The following PLEKHA5 variants were observed in gnomAD, a reference collection of about 807,000 sequenced individuals.
PLEKHA5 encodes the protein pleckstrin homology domain-containing family A member 5.
A neutral mutation model predicts 181.9 loss-of-function variants in PLEKHA5; 55 were observed. The ratio of observed to expected loss-of-function variants is 0.30; its 90% CI spans 0.24 to 0.38. The LOEUF is 0.38. PLEKHA5 is among the 10% of genes least tolerant of loss of function. The probability of loss-of-function intolerance (pLI) is 1.00; values close to 1 mark genes in which losing one functional copy is unlikely to be tolerated. For synonymous variants in PLEKHA5, 535 were observed against 529.4 expected (o/e 1.01, Z -0.15); for missense variants, 1,432 against 1,549.5 (o/e 0.92, Z 1.27).
intron 29 of PLEKHA5, among the ~76,000 whole-genome samples, chr12:19,362,196 T>C (rs1345118578): frequency 8.3e-6 from 1 of 120,084 alleles, no homozygotes; most frequent in Non-Finnish European, 1.7e-5. Flanking sequence ...AAAAAAGGCA[T>C]AATAACAGTA....
At chr12:19,149,134 A>C (rs1445638977) in intron 3 of PLEKHA5, among the ~76,000 whole-genome samples, 9 of 152,204 alleles carry the variant, frequency 5.9e-5, no homozygotes, top group Admixed American at 5.9e-4. Context: ...CAAAAACATT[A>C]ATGGAGACAA....
At chr12:19,237,938 ATAT>A (rs1371206865) in intron 3 of PLEKHA5, among the ~76,000 whole-genome samples, 5 of 151,744 alleles carry the variant, frequency 3.3e-5, no homozygotes, top group Non-Finnish European at 4.4e-5. Context: ...GGGATGAATG[ATAT>A]TATTGTAATT....
intron 3 of PLEKHA5, among the ~76,000 whole-genome samples, chr12:19,158,258 TAGG>T (rs1328497649): frequency 6.6e-6 from 1 of 151,430 alleles, no homozygotes; most frequent in Non-Finnish European, 1.5e-5. Flanking sequence ...GAGGCTGAGG[TAGG>T]AGAATGACGT....
At chr12:19,166,700 A>T (rs1182113935) in intron 3 of PLEKHA5, among the ~76,000 whole-genome samples, 1 of 152,214 alleles carries the variant, frequency 6.6e-6, no homozygotes, top group African/African-American at 2.4e-5. Context: ...AATAATGTAG[A>T]TAATGATAAA....
intron 3 of PLEKHA5, among the ~76,000 whole-genome samples, chr12:19,173,513 C>T (rs139202037): frequency 1.1e-4 from 17 of 152,096 alleles, no homozygotes; most frequent in East Asian, 3.9e-4. Flanking sequence ...AGTGTGGGGA[C>T]GAAACCAGTG....
At chr12:19,365,243 C>T (rs902035651) in intron 29 of PLEKHA5, among the ~76,000 whole-genome samples, 1 of 151,550 alleles carries the variant, frequency 6.6e-6, no homozygotes, top group African/African-American at 2.4e-5. Flanking sequence ...GGCAGGCGCC[C>T]GTAGTCCCTG....
chr12:19,209,019 G>T (rs994306863), intron 3 of PLEKHA5, among the ~76,000 whole-genome samples: 2 of 152,150 alleles, frequency 1.3e-5, no homozygotes, highest in Non-Finnish European at 2.9e-5. Context: ...AATGGATATT[G>T]TGATAAAACT....
At chr12:19,218,558 A>G (rs1293447559) in intron 3 of PLEKHA5, among the ~76,000 whole-genome samples, 1 of 152,210 alleles carries the variant, frequency 6.6e-6, no homozygotes, top group African/African-American at 2.4e-5. Flanking sequence ...ATTAGTCTGT[A>G]TTTATAAATT....
At position 19,130,009 on chromosome 12, in the gene PLEKHA5, C is replaced by T. The variant is rs531885560; in HGVS notation, c.90-42C>T. On this transcript the variant is annotated intron_variant, in intron 1 of 31. Coordinates refer to ENST00000429027, the MANE Select transcript of PLEKHA5 (RefSeq NM_001256470.2). The surrounding 1 kb of genome is among the most constrained non-coding windows in gnomAD (Gnocchi z 4.5). The stretch of plus-strand genomic sequence containing the variant: ...CAGCCCCTCGGCTCGCCCCCGCGTC[C>T]CCTCTCACGCTCCGTGTCTGCCCCT... 4.0e-6 allele frequency: 6 copies of T among 1,507,274 alleles called. No individual in the cohort carries two copies. The Admixed American group carries it at 9.7e-5, about 24-fold the overall frequency. The allele number at this position is 1,507,274 out of a possible 1,614,324, so 93.4% of individuals were successfully genotyped here.
chr12:19,193,618 C>G (rs1443888418), intron 3 of PLEKHA5, among the ~76,000 whole-genome samples: 1 of 152,108 alleles, frequency 6.6e-6, no homozygotes, highest in Non-Finnish European at 1.5e-5. Flanking sequence ...GTTGTACCTA[C>G]CAGAGAGCCT....
chr12:19,130,045 C>G lies in PLEKHA5; in HGVS notation c.90-6C>G. 1.3e-6 allele frequency: 2 copies of G among 1,582,430 alleles called. No individual in the cohort carries two copies. Among genetic ancestry groups the G allele is most frequent in the Non-Finnish European group, 1.7e-6 (2 of 1,165,222 alleles). Reference sequence around the variant, plus strand: ...TCCGTGTCTGCCCCTTCTCTCACCCCTGCAGCGAGGAGGCCAAGAGCACCA... The same window carrying G: ...TCCGTGTCTGCCCCTTCTCTCACCCGTGCAGCGAGGAGGCCAAGAGCACCA... On this transcript the variant is annotated splice_region_variant and splice_polypyrimidine_tract_variant and intron_variant, in intron 1 of 31. Coordinates refer to ENST00000429027, the MANE Select transcript of PLEKHA5 (RefSeq NM_001256470.2). This position sits in a 1 kb window ranked among gnomAD's most constrained non-coding sequence, Gnocchi z 4.5.
chr12:19,133,340 A>C (rs1054526469), intron 3 of PLEKHA5, among the ~76,000 whole-genome samples: 6 of 151,968 alleles, frequency 3.9e-5, no homozygotes, highest in African/African-American at 1.4e-4. Context: ...CCAACGAAAA[A>C]TATGGGTGGT....
intron 7 of PLEKHA5, among the ~76,000 whole-genome samples, chr12:19,262,721 G>A (rs2068879731): frequency 6.6e-6 from 1 of 152,168 alleles, no homozygotes; most frequent in Non-Finnish European, 1.5e-5. Flanking sequence ...GAGAACAGTA[G>A]ACACTGGGGA....
chr12:19,233,743 C>CT (rs149640100), intron 3 of PLEKHA5, among the ~76,000 whole-genome samples: 185 of 152,276 alleles, frequency 1.2e-3, no homozygotes, highest in African/African-American at 4.2e-3. Context: ...GAGGAATGTG[C>CT]TGAAACGTTA....
In PLEKHA5 at chr12:19,376,225, AAGC is replaced by A. The variant is rs1258471243; in HGVS notation, c.*709_*711del. ...CATTGGAATACATGTGTACAGCAAT[AAGC>A]AGGTTTCCAAATCCGGTACTTAGTT... On this transcript the variant is annotated 3_prime_UTR_variant, in exon 32 of 32. Coordinates refer to ENST00000429027, the MANE Select transcript of PLEKHA5 (RefSeq NM_001256470.2). The A allele has an allele frequency of 6.6e-6, 1 of 152,458 alleles. No homozygotes were observed. The highest frequency in any genetic ancestry group is 1.5e-5 in the Non-Finnish European group (1 of 68,016). The allele number at this position is 152,458 out of a possible 1,614,324, so 9.4% of individuals were successfully genotyped here.
At chr12:19,146,214 G>A (rs1233862307) in intron 3 of PLEKHA5, among the ~76,000 whole-genome samples, 2 of 152,150 alleles carry the variant, frequency 1.3e-5, no homozygotes, top group Admixed American at 1.3e-4. Flanking sequence ...TGGTGTTACT[G>A]TACTTAAGTT....
intron 3 of PLEKHA5, among the ~76,000 whole-genome samples, chr12:19,190,107 C>G (rs1335706900): frequency 6.6e-6 from 1 of 152,156 alleles, no homozygotes; most frequent in Non-Finnish European, 1.5e-5. Flanking sequence ...AACTCTTACT[C>G]TTAGTGTCAG....
intron 20 of PLEKHA5, among the ~76,000 whole-genome samples, chr12:19,325,523 A>C (rs929700594): frequency 1.3e-5 from 2 of 151,610 alleles, no homozygotes; most frequent in Non-Finnish European, 2.9e-5. Flanking sequence ...CCCCGCCTCT[A>C]ATAAAAATAC....
chr12:19,353,936 C>T lies in PLEKHA5; in HGVS notation c.3072C>T (p.Pro1024=), dbSNP rs143830701. 1.7e-5 allele frequency: 27 copies of T among 1,611,178 alleles called. No individual in the cohort carries two copies. The highest frequency in any genetic ancestry group is 2.7e-5 in the African/African-American group (2 of 74,834). The change falls in exon 26 of 32, where the codon CCC becomes CCT. Residue 1024 remains proline (P), a synonymous_variant. Transcript: ENST00000429027. ...VVPPRAKSPT[P]ESSTIASYVT... ...CTCCAAGAGCAAAATCACCAACACC[C>T]GAATCTTCGACAATAGCTTCCTATG...
Sources: gnomAD v4.1 joint callset for allele counts (sites outside exome capture counted in the v4.1 genomes callset) on GRCh38, gnomAD v4.1.1 for gene constraint, Gnocchi (gnomAD v3.1) non-coding constraint, MANE v1.5 for transcripts, NCBI Gene and HGNC (gene_info 2026-07-23, HGNC 2026-07-21) for gene names.